SERPINB12: variants seen among roughly 807,000 people sequenced by gnomAD.
The protein encoded by SERPINB12 is serpin B12.
SERPINB12 carries 57 observed loss-of-function variants against 41.1 expected under a neutral mutation model. The ratio of observed to expected loss-of-function variants is 1.39; its 90% CI spans 1.12 to 1.73. The LOEUF is 1.73. Among genes scored for constraint, SERPINB12 ranks in the 40% most tolerant of loss-of-function variants. The probability of loss-of-function intolerance (pLI) is 0.00; values close to 1 mark genes in which losing one functional copy is unlikely to be tolerated. For synonymous variants in SERPINB12, 180 were observed against 181.3 expected (o/e 0.99, Z 0.06); for missense variants, 536 against 501.9 (o/e 1.07, Z -0.65).
chr18:63,565,985 T>C (rs1378903268), intron 7 of SERPINB12, among the ~76,000 whole-genome samples: 1 of 152,172 alleles, frequency 6.6e-6, no homozygotes, highest in Admixed American at 6.5e-5. Flanking sequence ...AAGAATTAAC[T>C]GAATACTGTT....
the SERPINB12 span, among the ~76,000 whole-genome samples, chr18:63,519,887 G>A: frequency 6.6e-6 from 1 of 152,110 alleles, no homozygotes; most frequent in African/African-American, 2.4e-5. Flanking sequence ...AAGCATCACG[G>A]GTGATTCTGA....
At chr18:63,562,280 G>C (rs1568131140) in intron 5 of SERPINB12, among the ~76,000 whole-genome samples, 1 of 152,336 alleles carries the variant, frequency 6.6e-6, no homozygotes, top group South Asian at 2.1e-4. Flanking sequence ...GGTCAGGTCA[G>C]GCTGCTGGAC....
chr18:63,555,510 A>G (rs1041808254), intron 1 of SERPINB12, among the ~76,000 whole-genome samples: 3 of 152,206 alleles, frequency 2.0e-5, no homozygotes, highest in African/African-American at 7.2e-5. Context: ...CTAAAAATAT[A>G]GTTTAAGTCC....
chr18:63,541,217 C>T (rs556212436), upstream of SERPINB12, among the ~76,000 whole-genome samples: 1 of 152,240 alleles, frequency 6.6e-6, no homozygotes, highest in African/African-American at 2.4e-5. Context: ...GCCACTCGTT[C>T]CCTCAGATCC....
chr18:63,538,332 T>C (rs997912513), upstream of SERPINB12, among the ~76,000 whole-genome samples: 4 of 152,096 alleles, frequency 2.6e-5, no homozygotes, highest in East Asian at 1.9e-4. Context: ...AAACTCTCTA[T>C]ATTAGCAGTC....
the SERPINB12 span, among the ~76,000 whole-genome samples, chr18:63,521,324 T>C: frequency 6.6e-6 from 1 of 152,240 alleles, no homozygotes; most frequent in African/African-American, 2.4e-5. Context: ...GCATCAGCGA[T>C]CAGTCATCTT....
At position 63,568,577 on chromosome 18, in the gene SERPINB12, A is replaced by G. The variant is rs1568135113; in HGVS notation, c.*1566A>G. 6.6e-6 allele frequency among the ~76,000 whole-genome samples: 1 copy of G among 152,148 alleles called. No individual in the cohort carries two copies. The highest frequency in any genetic ancestry group is 1.9e-4 in the East Asian group (1 of 5,180). On this transcript the variant is annotated 3_prime_UTR_variant, in exon 8 of 8. Transcript: ENST00000382768. ...TTCTATCTTAGCTGAATGTTCTGCC[A>G]TGACCACTGACACGTCCAACTCACA...
rs570308273 is a variant in SERPINB12 at position 63,545,213 on chromosome 18, A to AT, written c.-19+2736dup. Among the ~76,000 whole-genome samples the AT allele has an allele frequency of 4.1e-3, 577 of 141,562 alleles. 3 individuals are homozygous for AT. The highest frequency in any genetic ancestry group is 0.011 in the Middle Eastern group (3 of 268). The allele number at this position is 141,562 out of a possible 152,430, so 92.9% of individuals were successfully genotyped here. Reference sequence around the variant, plus strand: ...TTTTACGGCCTGTTGACATAGAACTATTTTTTTTTTTTTTTAGCTTGCCTT... The same window carrying AT: ...TTTTACGGCCTGTTGACATAGAACTATTTTTTTTTTTTTTTTAGCTTGCCTT... On this transcript the variant is annotated intron_variant, in intron 1 of 7. Coordinates refer to ENST00000382768, the MANE Select transcript of SERPINB12 (RefSeq NM_001307928.2).
At chr18:63,548,577 A>T (rs1474912415) in intron 1 of SERPINB12, among the ~76,000 whole-genome samples, 1 of 152,006 alleles carries the variant, frequency 6.6e-6, no homozygotes, top group Non-Finnish European at 1.5e-5. Flanking sequence ...AAGTTTGAAA[A>T]ACATAAAATG....
At chr18:63,552,677 A>G (rs1391068365) in intron 1 of SERPINB12, among the ~76,000 whole-genome samples, 1 of 152,138 alleles carries the variant, frequency 6.6e-6, no homozygotes, top group Non-Finnish European at 1.5e-5. Flanking sequence ...AGATTTCTCA[A>G]AGGCAGAGAT....
rs372250248 is a variant in SERPINB12, at chr18:63,567,020, C to A, written c.*9C>A. 1.3e-4 allele frequency: 205 copies of A among 1,562,084 alleles called. No individual in the cohort carries two copies. Among genetic ancestry groups the A allele is most frequent in the Non-Finnish European group, 1.7e-4 (200 of 1,158,690 alleles). On this transcript the variant is annotated 3_prime_UTR_variant, in exon 8 of 8. Coordinates refer to ENST00000382768, the MANE Select transcript of SERPINB12 (RefSeq NM_001307928.2). ...GGGTCTGCTCTCCTTAAAAGGGGAGCAGTGTCTAGTACTTTGGAGCTGGAG... is the reference window on the plus strand; with the variant it reads ...GGGTCTGCTCTCCTTAAAAGGGGAGAAGTGTCTAGTACTTTGGAGCTGGAG...
chr18:63,552,371 T>A (rs925270943), intron 1 of SERPINB12, among the ~76,000 whole-genome samples: 2 of 152,212 alleles, frequency 1.3e-5, no homozygotes, highest in African/African-American at 4.8e-5. Flanking sequence ...TAAATTTCTT[T>A]CTCTTTTCTT....
At chr18:63,523,666 A>G in the SERPINB12 span, among the ~76,000 whole-genome samples, 1 of 152,234 alleles carries the variant, frequency 6.6e-6, no homozygotes. Context: ...AGCCAAGAGT[A>G]CAGAATCAAG....
intron 5 of SERPINB12, among the ~76,000 whole-genome samples, chr18:63,563,326 G>A (rs1435507537): frequency 1.3e-5 from 2 of 152,178 alleles, no homozygotes; most frequent in Non-Finnish European, 2.9e-5. Context: ...TCTCAAGGGA[G>A]CTTATCATAT....
At chr18:63,560,858 G>T (rs1910880413) in intron 4 of SERPINB12, among the ~76,000 whole-genome samples, 1 of 152,106 alleles carries the variant, frequency 6.6e-6, no homozygotes, top group Non-Finnish European at 1.5e-5. Flanking sequence ...TGTAACTATA[G>T]ACTGTTCATG....
At chr18:63,520,634 T>A in the SERPINB12 span, among the ~76,000 whole-genome samples, 1 of 151,968 alleles carries the variant, frequency 6.6e-6, no homozygotes, top group Non-Finnish European at 1.5e-5. Flanking sequence ...ATAAAAGTAA[T>A]GAAGGCATAA....
intron 3 of SERPINB12, among the ~76,000 whole-genome samples, chr18:63,558,840 C>G (rs1014306432): frequency 6.6e-6 from 1 of 152,158 alleles, no homozygotes; most frequent in Non-Finnish European, 1.5e-5. Context: ...CTCCCTCTAT[C>G]TCTGCTTGTT....
At chr18:63,533,341 T>A in the SERPINB12 span, among the ~76,000 whole-genome samples, 1 of 152,210 alleles carries the variant, frequency 6.6e-6, no homozygotes, top group Non-Finnish European at 1.5e-5. Flanking sequence ...GAAGGTTGAA[T>A]CCTGACTATG....
intron 1 of SERPINB12, 89 bp from the exon 2 acceptor site, chr18:63,556,053 T>A: frequency 2.2e-6 from 2 of 924,258 alleles, no homozygotes; most frequent in Non-Finnish European, 3.4e-6. Context: ...TTGTGCATGA[T>A]TGTATTTCAG....
Sources: gnomAD v4.1 joint callset for allele counts (sites outside exome capture counted in the v4.1 genomes callset) on GRCh38, gnomAD v4.1.1 for gene constraint, MANE v1.5 for transcripts, NCBI Gene and HGNC (gene_info 2026-07-23, HGNC 2026-07-21) for gene names.